NFASC: variants seen among roughly 807,000 people sequenced by gnomAD.
NFASC encodes neurofascin.
Under a neutral mutation model 147.5 loss-of-function variants are expected in NFASC, and 43 were observed. That is an observed-to-expected ratio of 0.29 (90% CI 0.23 to 0.38). The LOEUF (loss-of-function observed/expected upper bound fraction) is 0.38. NFASC is among the 10% of genes least tolerant of loss of function. The pLI is 1.00. For missense variants in NFASC, 1,320 were observed against 1,689.0 expected (o/e 0.78, Z 3.83); for synonymous variants, 622 against 665.5 (o/e 0.93, Z 1.01).
intron 11 of NFASC, 78 bp downstream of exon 11, chr1:204,970,825 G>A (rs1162014045): frequency 1.6e-5 from 25 of 1,570,058 alleles, no homozygotes; most frequent in Non-Finnish European, 2.1e-5. Context: ...ACTGTAGCCA[G>A]TGCTGGTCAC....
chr1:204,944,470 G>C, intron 3 of NFASC, 64 bp downstream of exon 3: 1 of 1,007,594 alleles, frequency 9.9e-7, no homozygotes. Context: ...TGGGAGGGGA[G>C]GGAAGGTCAG....
At chr1:204,929,212 G>A (rs1448071673) in intron 2 of NFASC, among the ~76,000 whole-genome samples, 2 of 152,022 alleles carry the variant, frequency 1.3e-5, no homozygotes, top group African/African-American at 4.8e-5. Flanking sequence ...GACAGGCTAG[G>A]CCTGCTGAGT....
At chr1:204,962,208 G>A in intron 8 of NFASC, 1 of 1,510,858 alleles carries the variant, frequency 6.6e-7, no homozygotes, top group South Asian at 1.1e-5. Flanking sequence ...GCTAACCCCA[G>A]TTTGCCTAAC....
At chr1:204,930,456 T>G (rs941095231) in intron 2 of NFASC, among the ~76,000 whole-genome samples, 13 of 152,192 alleles carry the variant, frequency 8.5e-5, no homozygotes, top group Admixed American at 1.3e-4. Flanking sequence ...GATGAGCTAT[T>G]AAAATATCTC....
Position 204,975,936 on chromosome 1 carries a change from T to G in NFASC, c.1706+518T>G, listed in dbSNP as rs921648181. The stretch of plus-strand genomic sequence containing the variant: ...GATTTCATTGGTGTAGGGTAGGACT[T>G]AGGACACTGGCAGGGTTTAAAAGTC... On this transcript the variant is annotated intron_variant, in intron 15 of 29. Coordinates refer to ENST00000339876, the MANE Select transcript of NFASC (RefSeq NM_001005388.3). This position sits in a 1 kb window ranked among gnomAD's most constrained non-coding sequence, Gnocchi z 4.0. Among the ~76,000 whole-genome samples the G allele has an allele frequency of 1.3e-5, 2 of 152,090 alleles. No homozygotes were observed. Among genetic ancestry groups the G allele is most frequent in the African/African-American group, 4.8e-5 (2 of 41,404 alleles).
chr1:204,976,985 A>C, intron 16 of NFASC, 190 bp downstream of exon 16: 1 of 1,363,164 alleles, frequency 7.3e-7, no homozygotes, highest in South Asian at 1.9e-5. Context: ...TGTGCTGGAC[A>C]GGTTACCTCC....
chr1:204,830,663 GA>G (rs1231413519), intron 1 of NFASC, among the ~76,000 whole-genome samples: 4 of 142,670 alleles, frequency 2.8e-5, no homozygotes, highest in Non-Finnish European at 4.6e-5. Context: ...TGTATAGAGA[GA>G]GAGAGAGAGA....
rs1315541771 is a variant in NFASC, at chr1:205,002,585, C to G, written c.3137-11C>G. On this transcript the variant is annotated splice_polypyrimidine_tract_variant and intron_variant, in intron 26 of 29. Coordinates refer to ENST00000339876, the MANE Select transcript of NFASC (RefSeq NM_001005388.3). ...CCTGGCTCTAGGCTGATTGAGGTTTCTGTTCCCCAGGCAACCATACGAAAA... is the reference window on the plus strand; with the variant it reads ...CCTGGCTCTAGGCTGATTGAGGTTTGTGTTCCCCAGGCAACCATACGAAAA... 6.8e-7 allele frequency: 1 copy of G among 1,480,066 alleles called. No individual in the cohort carries two copies. The highest frequency in any genetic ancestry group is 1.4e-5 in the African/African-American group (1 of 71,746). 91.7% of individuals were successfully genotyped at this position (1,480,066 alleles called of 1,614,324 possible). A position where few individuals can be genotyped will look rare whatever the true frequency, so the allele number is the denominator to read the frequency against.
At chr1:204,843,171 G>C (rs1367360042) in intron 1 of NFASC, among the ~76,000 whole-genome samples, 1 of 152,190 alleles carries the variant, frequency 6.6e-6, no homozygotes, top group Non-Finnish European at 1.5e-5. Context: ...CAGCAGGCTG[G>C]TGACATCATC....
At chr1:204,842,364 G>A (rs76610813) in intron 1 of NFASC, among the ~76,000 whole-genome samples, 1 of 152,178 alleles carries the variant, frequency 6.6e-6, no homozygotes, top group Admixed American at 6.5e-5. Context: ...TTTACTTAAA[G>A]TACAGAGTGT....
rs796844511 is a variant in NFASC, at chr1:204,828,659, G to A, written c.-323G>A. The A allele has an allele frequency of 2.0e-6, 2 of 984,950 alleles. No individual in the cohort carries two copies. The highest frequency in any genetic ancestry group is 4.7e-5 in the South Asian group (1 of 21,270). 61.0% of individuals were successfully genotyped at this position (984,950 alleles called of 1,614,324 possible). On this transcript the variant is annotated 5_prime_UTR_variant, in exon 1 of 30. Transcript: ENST00000339876. ...CGCCGGCCGCCCGGGGACGCGCACG[G>A]GCTGGTCTCTGCCCTAATGCGGCGG...
intron 8 of NFASC, among the ~76,000 whole-genome samples, chr1:204,961,048 C>T (rs1393983826): frequency 6.6e-6 from 1 of 152,166 alleles, no homozygotes; most frequent in Non-Finnish European, 1.5e-5. Flanking sequence ...GTTCTTGCCT[C>T]CTCAGGGCCA....
chr1:204,877,039 A>ATATATATAATATATATT (rs2079083617), intron 1 of NFASC, among the ~76,000 whole-genome samples: 1 of 100,560 alleles, frequency 9.9e-6, no homozygotes, highest in African/African-American at 6.2e-5. Flanking sequence ...ATATATATTT[A>ATATATATAATATATATT]TATATATATA....
At chr1:204,855,604 A>G (rs2076085148) in intron 1 of NFASC, among the ~76,000 whole-genome samples, 1 of 152,144 alleles carries the variant, frequency 6.6e-6, no homozygotes. Context: ...TTCCAAGGTC[A>G]AGTCAAACCC....
intron 3 of NFASC, 48 bp downstream of exon 3, chr1:204,944,454 G>GTT: frequency 1.0e-6 from 1 of 982,560 alleles, no homozygotes; most frequent in Non-Finnish European, 1.5e-6. Context: ...ATTTTGGGCA[G>GTT]AGGGGTGGGA....
chr1:204,845,906 TC>T (rs943581944), intron 1 of NFASC, among the ~76,000 whole-genome samples: 1 of 151,886 alleles, frequency 6.6e-6, no homozygotes, highest in African/African-American at 2.4e-5. Flanking sequence ...TGACTCTTGC[TC>T]CCAATAAGCT....
intron 8 of NFASC, among the ~76,000 whole-genome samples, chr1:204,967,114 C>T (rs1430747346): frequency 6.6e-6 from 1 of 152,216 alleles, no homozygotes; most frequent in Admixed American, 6.5e-5. Flanking sequence ...GGCAGCTCTG[C>T]CTCCCCTCCA....
chr1:204,952,232 A>C, intron 5 of NFASC, 116 bp downstream of exon 5: 1 of 772,634 alleles, frequency 1.3e-6, no homozygotes, highest in African/African-American at 1.7e-5. Context: ...AAAAATTTCC[A>C]TTAGGCACCT....
At chr1:204,956,945 G>C (rs1347514188) in intron 7 of NFASC, among the ~76,000 whole-genome samples, 1 of 151,138 alleles carries the variant, frequency 6.6e-6, no homozygotes, top group Non-Finnish European at 1.5e-5. Flanking sequence ...AACATTTTCA[G>C]CCACTCCAGT....
Sources: allele counts gnomAD v4.1 joint callset (sites outside exome capture counted in the v4.1 genomes callset), GRCh38; gene constraint gnomAD v4.1.1; non-coding constraint Gnocchi (gnomAD v3.1); transcripts MANE v1.5; gene names NCBI Gene and HGNC (gene_info 2026-07-23, HGNC 2026-07-21).